Variants in SLC9A7 observed in about 807,000 individuals in gnomAD.
SLC9A7 encodes the protein sodium/hydrogen exchanger 7.
Under a neutral mutation model 52.6 loss-of-function variants are expected in SLC9A7, and 19 were observed. The observed-to-expected ratio is 0.36, with a 90% CI of 0.25 to 0.53. The LOEUF is 0.53. Ranked by LOEUF, SLC9A7 falls within the 20% of genes least tolerant of loss-of-function variation. The pLI, the probability that SLC9A7 is intolerant of heterozygous loss-of-function variation, is 0.91. For missense variants in SLC9A7, 455 were observed against 597.9 expected (o/e 0.76, Z 2.49); for synonymous variants, 226 against 252.1 (o/e 0.90, Z 0.98).
In SLC9A7 at chrX:46,684,083, T is replaced by C. The variant is rs149061120; in HGVS notation, c.326-1548A>G. On this transcript the variant is annotated intron_variant, in intron 1 of 16. Coordinates refer to ENST00000616978, the MANE Select transcript of SLC9A7 (RefSeq NM_001257291.2). ...CAGATACTTGCAGTTTGTTGACTTG[T>C]AATAAAACAACTTGATTTTTTTTAC... Among the ~76,000 whole-genome samples, 481 of 112,857 alleles carry C rather than the reference T, an allele frequency of 4.3e-3. 2 individuals are homozygous for C. The highest frequency in any genetic ancestry group is 0.026 in the South Asian group (71 of 2,755).
intron 1 of SLC9A7, among the ~76,000 whole-genome samples, chrX:46,715,628 T>C (rs767720249): frequency 1.6e-4 from 18 of 112,171 alleles, no homozygotes; most frequent in Non-Finnish European, 2.4e-4. Context: ...TGAGAAGCCT[T>C]ATACATGCCC....
intron 1 of SLC9A7, among the ~76,000 whole-genome samples, chrX:46,708,773 G>A (rs1944643778): frequency 9.0e-6 from 1 of 111,123 alleles, no homozygotes; most frequent in Non-Finnish European, 1.9e-5. Flanking sequence ...TATCAGTGGG[G>A]GACAGAACAA....
chrX:46,651,119 G>A lies in SLC9A7; in HGVS notation c.1341C>T (p.Ile447=), dbSNP rs766176161. The change falls in exon 10 of 17, where the codon ATC becomes ATT. Residue 447 remains isoleucine, a synonymous_variant. Transcript: ENST00000616978. The part of the protein sequence containing the change: ...QKHVFSPIFI[I]GAFVAIFLGR... The stretch of plus-strand genomic sequence containing the variant: ...AACAAGAAAAGGATACAAAAGCTCC[G>A]ATGATGAAAATGGGGCTGAAAACGT... 5.8e-6 allele frequency: 7 copies of A among 1,199,574 alleles called. No individual in the cohort carries two copies. The highest frequency in any genetic ancestry group is 1.8e-5 in the South Asian group (1 of 56,319).
At chrX:46,647,499 T>C (rs1022223316) in intron 11 of SLC9A7, among the ~76,000 whole-genome samples, 1 of 112,767 alleles carries the variant, frequency 8.9e-6, no homozygotes, top group Non-Finnish European at 1.9e-5. Context: ...GCCACTCCCT[T>C]TGTGAAGATG....
At chrX:46,689,971 T>C (rs1015951140) in intron 1 of SLC9A7, among the ~76,000 whole-genome samples, 8 of 112,128 alleles carry the variant, frequency 7.1e-5, no homozygotes, top group Non-Finnish European at 1.5e-4. Flanking sequence ...TATAGCTGCA[T>C]AGTATTCCAT....
Position 46,607,060 on chromosome X carries a change from T to C in SLC9A7, c.2073A>G (p.Arg691=), listed in dbSNP as rs146610288. 1,188 of 1,209,682 alleles carry C rather than the reference T, an allele frequency of 9.8e-4. 12 individuals carry two copies. In the African/African-American group the frequency reaches 0.018, roughly 18 times the overall value. The change falls in exon 17 of 17, where the codon AGA becomes AGG. Residue 691 remains arginine, a synonymous_variant. Coordinates refer to ENST00000616978, the MANE Select transcript of SLC9A7 (RefSeq NM_001257291.2). ...TASTSLEGSR[R]TKSSSEEVLE... ...GCACTTCCTCCGAGCTGCTCTTCGT[T>C]CTCCGGCTGCCCTCCAGACTCGTGG... is the stretch of plus-strand genomic sequence containing the variant.
At chrX:46,649,983 C>T (rs1386375530) in intron 10 of SLC9A7, among the ~76,000 whole-genome samples, 1 of 112,057 alleles carries the variant, frequency 8.9e-6, no homozygotes, top group Admixed American at 9.5e-5. Flanking sequence ...AATAAAAACA[C>T]TGATCTTGCA....
intron 1 of SLC9A7, among the ~76,000 whole-genome samples, chrX:46,715,988 G>A (rs1005114844): frequency 1.8e-5 from 2 of 111,961 alleles, no homozygotes; most frequent in Non-Finnish European, 3.8e-5. Flanking sequence ...AGGAACATCT[G>A]TACATTACTT....
chrX:46,645,616 CCCTT>C (rs1214977155), intron 11 of SLC9A7, among the ~76,000 whole-genome samples: 1 of 90,485 alleles, frequency 1.1e-5, no homozygotes, highest in African/African-American at 5.4e-5. Flanking sequence ...TTTCCCCACT[CCCTT>C]TTTTTTTTTT....
intron 1 of SLC9A7, among the ~76,000 whole-genome samples, chrX:46,737,959 G>C (rs1199157088): frequency 1.9e-5 from 2 of 107,616 alleles, no homozygotes; most frequent in African/African-American, 6.8e-5. Flanking sequence ...CCCAGGAGGT[G>C]GAGGCTGCAG....
At chrX:46,658,602 CA>C (rs1943750492) in intron 7 of SLC9A7, among the ~76,000 whole-genome samples, 1 of 110,591 alleles carries the variant, frequency 9.0e-6, no homozygotes, top group Non-Finnish European at 1.9e-5. Context: ...CACCTCTACG[CA>C]AATAAACTAG....
In SLC9A7 at chrX:46,606,576, T is replaced by C. The variant is rs1320629722; in HGVS notation, c.*376A>G. The C allele has an allele frequency of 1.9e-5, 16 of 846,269 alleles. No individual in the cohort carries two copies. In the East Asian group the frequency reaches 1.2e-3, roughly 66 times the overall value. 69.7% of individuals were successfully genotyped at this position (846,269 alleles called of 1,213,427 possible). The stretch of plus-strand genomic sequence containing the variant: ...CTATGGTCAGCTTGACTTGCACTGC[T>C]GTGTACTGAGATGCAGCCTCTCATG... On this transcript the variant is annotated 3_prime_UTR_variant, in exon 17 of 17. Transcript: ENST00000616978.
At chrX:46,682,606 G>T in intron 1 of SLC9A7, 71 bp from the exon 2 acceptor site, 1 of 960,198 alleles carries the variant, frequency 1.0e-6, no homozygotes, top group Non-Finnish European at 1.5e-6. Context: ...TGGCATAGTT[G>T]ACTTTCAACA....
intron 14 of SLC9A7, among the ~76,000 whole-genome samples, chrX:46,630,150 A>C (rs1170485273): frequency 9.0e-6 from 1 of 111,638 alleles, no homozygotes; most frequent in Non-Finnish European, 1.9e-5. Flanking sequence ...ATGCCTTATC[A>C]GGCTGTGGCC....
In SLC9A7 at chrX:46,615,659, CAT is replaced by C. The variant is rs758950486; in HGVS notation, c.1824-2267_1824-2266del. Among the ~76,000 whole-genome samples, 802 of 103,038 alleles carry C rather than the reference CAT, an allele frequency of 7.8e-3. 6 individuals are homozygous for C. Among genetic ancestry groups the C allele is most frequent in the African/African-American group, 0.025 (703 of 28,560 alleles). The allele number at this position is 103,038 out of a possible 115,157, so 89.5% of individuals were successfully genotyped here. A position where few individuals can be genotyped will look rare whatever the true frequency, so the allele number is the denominator to read the frequency against. On this transcript the variant is annotated intron_variant, in intron 15 of 16. Coordinates refer to ENST00000616978, the MANE Select transcript of SLC9A7 (RefSeq NM_001257291.2). ...AAAGAAATATGTGTATATACATATA[CAT>C]ATATATATATATATATAACCAGTAA...
Position 46,613,320 on chromosome X carries a change from G to A in SLC9A7, c.1898C>T (p.Ala633Val), listed in dbSNP as rs2146678984. The change falls in exon 16 of 17, where the codon GCT becomes GTT. Residue 633 changes from alanine (A) to valine (V), a missense_variant. Ala to Val is a moderately conservative substitution (Grantham distance 64, BLOSUM62 0). Transcript: ENST00000616978. ...TTLPAWCGLL[A>V]RCLTSPQVYD... ...CACCTGGGGACTGGTCAGACATCGA[G>A]CTAGTAAGCCACACCAGGCGGGGAG... 1 of 1,208,381 alleles carries A rather than the reference G, an allele frequency of 8.3e-7. No individual in the cohort carries two copies.
At chrX:46,707,388 T>C (rs1944620413) in intron 1 of SLC9A7, among the ~76,000 whole-genome samples, 1 of 111,888 alleles carries the variant, frequency 8.9e-6, no homozygotes, top group Non-Finnish European at 1.9e-5. Flanking sequence ...ACAGTGACAG[T>C]AGGAGATCAC....
At chrX:46,708,360 T>C (rs1019865415) in intron 1 of SLC9A7, among the ~76,000 whole-genome samples, 1 of 110,386 alleles carries the variant, frequency 9.1e-6, no homozygotes, top group African/African-American at 3.3e-5. Context: ...AAACCCTAGC[T>C]GTACTAAAAA....
At chrX:46,619,321 TA>T (rs1943004294) in intron 15 of SLC9A7, among the ~76,000 whole-genome samples, 1 of 112,041 alleles carries the variant, frequency 8.9e-6, no homozygotes, top group Non-Finnish European at 1.9e-5. Context: ...TGTAAAGTAG[TA>T]CCACTATTTT....
Sources: gnomAD v4.1 joint callset for allele counts (sites outside exome capture counted in the v4.1 genomes callset) on GRCh38, gnomAD v4.1.1 for gene constraint, MANE v1.5 for transcripts, NCBI Gene and HGNC (gene_info 2026-07-23, HGNC 2026-07-21) for gene names.